Variants in NKAIN3 observed in about 807,000 individuals in gnomAD.
NKAIN3 encodes sodium/potassium-transporting ATPase subunit beta-1-interacting protein 3.
Under a neutral mutation model 30.2 loss-of-function variants are expected in NKAIN3, and 25 were observed. The ratio of observed to expected loss-of-function variants is 0.83; its 90% CI spans 0.60 to 1.16. The LOEUF is 1.16. Among genes scored for constraint, NKAIN3 ranks in the 50% most tolerant of loss-of-function variants. The probability of loss-of-function intolerance (pLI) is 0.00; values close to 1 mark genes in which losing one functional copy is unlikely to be tolerated. For synonymous variants in NKAIN3, 91 were observed against 89.6 expected (o/e 1.02, Z -0.09); for missense variants, 225 against 254.1 (o/e 0.89, Z 0.78).
chr8:62,418,029 C>T (rs572756094), intron 1 of NKAIN3, among the ~76,000 whole-genome samples: 4 of 152,222 alleles, frequency 2.6e-5, no homozygotes, highest in African/African-American at 7.2e-5. Context: ...TTAAATTTTT[C>T]ATCCAAAGCA....
intron 1 of NKAIN3, among the ~76,000 whole-genome samples, chr8:62,290,337 G>A (rs939373441): frequency 6.6e-6 from 1 of 152,130 alleles, no homozygotes; most frequent in African/African-American, 2.4e-5. Flanking sequence ...CAAAGGGAAT[G>A]CTTCCAGTTT....
At chr8:62,328,629 A>G (rs1225316412) in intron 1 of NKAIN3, among the ~76,000 whole-genome samples, 3 of 152,156 alleles carry the variant, frequency 2.0e-5, no homozygotes, top group Non-Finnish European at 4.4e-5. Flanking sequence ...CTCAGAGATT[A>G]TACATTTTTA....
intron 1 of NKAIN3, among the ~76,000 whole-genome samples, chr8:62,384,126 A>G (rs1318507029): frequency 6.6e-6 from 1 of 152,176 alleles, no homozygotes; most frequent in Non-Finnish European, 1.5e-5. Context: ...ATGCAAAACT[A>G]TGGGACATCA....
chr8:62,945,742 C>T (rs1161578127), intron 5 of NKAIN3, among the ~76,000 whole-genome samples: 1 of 152,152 alleles, frequency 6.6e-6, no homozygotes, highest in African/African-American at 2.4e-5. Context: ...TATTGCCGCC[C>T]TTCTCACTCC....
intron 4 of NKAIN3, among the ~76,000 whole-genome samples, chr8:62,805,268 C>A (rs1818233550): frequency 1.3e-5 from 2 of 151,852 alleles, no homozygotes; most frequent in South Asian, 4.2e-4. Flanking sequence ...ATCAAGCTAC[C>A]AATGCCTTTC....
At position 62,972,888 on chromosome 8, in the gene NKAIN3, A is replaced by T. The variant is rs947681473; in HGVS notation, c.*7481A>T. On this transcript the variant is annotated 3_prime_UTR_variant, in exon 7 of 7. Transcript: ENST00000623646. The stretch of plus-strand genomic sequence containing the variant: ...CCCCTCCCTGTGCCCATATGTTCTC[A>T]TTGTTCAACTCCCACTTAAGAGTAA... 6.7e-6 allele frequency among the ~76,000 whole-genome samples: 1 copy of T among 149,432 alleles called. No homozygotes were observed. The highest frequency in any genetic ancestry group is 2.5e-5 in the African/African-American group (1 of 40,060).
intron 1 of NKAIN3, among the ~76,000 whole-genome samples, chr8:62,276,528 G>A (rs1011638422): frequency 1.3e-5 from 2 of 152,120 alleles, no homozygotes; most frequent in Admixed American, 6.6e-5. Flanking sequence ...GAGCAGTTAC[G>A]AAAATGAGAG....
At position 62,658,780 on chromosome 8, in the gene NKAIN3, A is replaced by G. The variant is rs542951461; in HGVS notation, c.273+68986A>G. 3.3e-5 allele frequency among the ~76,000 whole-genome samples: 5 copies of G among 152,330 alleles called. No individual in the cohort carries two copies. The South Asian group carries it at 6.2e-4, about 19-fold the overall frequency. ...ACTATTCCTTGTAACTTCAGAAAGTAAAGTATTACTCCTTTCTCTTCCTTA... is the reference window on the plus strand; with the variant it reads ...ACTATTCCTTGTAACTTCAGAAAGTGAAGTATTACTCCTTTCTCTTCCTTA... On this transcript the variant is annotated intron_variant, in intron 3 of 6. Coordinates refer to ENST00000623646, the MANE Select transcript of NKAIN3 (RefSeq NM_001304533.3).
At chr8:62,368,286 A>T (rs1016740622) in intron 1 of NKAIN3, among the ~76,000 whole-genome samples, 1 of 152,216 alleles carries the variant, frequency 6.6e-6, no homozygotes, top group Admixed American at 6.6e-5. Context: ...GAAATATCAT[A>T]GTACTTGATC....
chr8:62,511,613 A>G (rs1318527770), intron 1 of NKAIN3, among the ~76,000 whole-genome samples: 1 of 152,178 alleles, frequency 6.6e-6, no homozygotes, highest in Non-Finnish European at 1.5e-5. Flanking sequence ...AGAGCCGTAC[A>G]AGGGGCCTCC....
chr8:62,258,740 A>G (rs1812337678), intron 1 of NKAIN3, among the ~76,000 whole-genome samples: 1 of 152,148 alleles, frequency 6.6e-6, no homozygotes, highest in Non-Finnish European at 1.5e-5. Flanking sequence ...TAAAAATCAG[A>G]ATGGAAAACA....
chr8:62,845,779 G>GA (rs1563590055), intron 4 of NKAIN3, among the ~76,000 whole-genome samples: 4 of 151,908 alleles, frequency 2.6e-5, no homozygotes, highest in South Asian at 2.1e-4. Context: ...ATTCGGAAAA[G>GA]AAAAAAATGA....
chr8:62,858,145 C>G (rs1181997427), intron 4 of NKAIN3, among the ~76,000 whole-genome samples: 3 of 152,088 alleles, frequency 2.0e-5, no homozygotes, highest in African/African-American at 7.2e-5. Flanking sequence ...GCTCCAGACC[C>G]TAGTTACCTC....
chr8:62,888,940 A>G (rs1311759076), intron 4 of NKAIN3, among the ~76,000 whole-genome samples: 2 of 152,206 alleles, frequency 1.3e-5, no homozygotes. Context: ...TGTTGAACTG[A>G]TTTGAGAGGT....
chr8:62,505,879 A>G (rs1375567658), intron 1 of NKAIN3, among the ~76,000 whole-genome samples: 1 of 152,126 alleles, frequency 6.6e-6, no homozygotes, highest in East Asian at 1.9e-4. Flanking sequence ...GTGGGCTAAA[A>G]TCAAGACTCT....
chr8:62,401,052 G>T (rs1803851600), intron 1 of NKAIN3, among the ~76,000 whole-genome samples: 2 of 92,582 alleles, frequency 2.2e-5, no homozygotes. Flanking sequence ...TCCTCTTTAA[G>T]GCCAAGAACT....
At chr8:62,677,074 G>A (rs908414612) in intron 3 of NKAIN3, among the ~76,000 whole-genome samples, 5 of 151,958 alleles carry the variant, frequency 3.3e-5, no homozygotes, top group African/African-American at 1.2e-4. Context: ...ATATTTTTTG[G>A]TTTGTTTTGA....
intron 1 of NKAIN3, among the ~76,000 whole-genome samples, chr8:62,421,255 G>A (rs1178641763): frequency 6.6e-6 from 1 of 152,144 alleles, no homozygotes; most frequent in Non-Finnish European, 1.5e-5. Context: ...CCAGGCAGGT[G>A]TTGCAGATAG....
intron 3 of NKAIN3, among the ~76,000 whole-genome samples, chr8:62,595,994 G>T (rs1272885257): frequency 6.6e-6 from 1 of 152,038 alleles, no homozygotes; most frequent in East Asian, 1.9e-4. Flanking sequence ...CTGCAGTGCA[G>T]GGGATTACTT....
Sources: gnomAD v4.1 joint callset for allele counts (sites outside exome capture counted in the v4.1 genomes callset) on GRCh38, gnomAD v4.1.1 for gene constraint, MANE v1.5 for transcripts, NCBI Gene and HGNC (gene_info 2026-07-23, HGNC 2026-07-21) for gene names.